Variants in GLRB observed in about 807,000 individuals in gnomAD.
GLRB encodes glycine receptor subunit beta.
GLRB carries 33 observed loss-of-function variants against 54.2 expected under a neutral mutation model. The ratio of observed to expected loss-of-function variants is 0.61; its 90% CI spans 0.46 to 0.81. The LOEUF (loss-of-function observed/expected upper bound fraction) is 0.81. Ranked by LOEUF, GLRB falls within the 40% of genes least tolerant of loss-of-function variation. GLRB has a pLI of 0.00. For synonymous variants in GLRB, 209 were observed against 208.2 expected (o/e 1.00, Z -0.03); for missense variants, 572 against 584.6 (o/e 0.98, Z 0.22).
At chr4:157,101,461 T>C (rs930681128) in intron 2 of GLRB, among the ~76,000 whole-genome samples, 1 of 152,082 alleles carries the variant, frequency 6.6e-6, no homozygotes, top group Non-Finnish European at 1.5e-5. Context: ...ACTTAATCTA[T>C]GACTCAATCT....
At chr4:157,103,034 C>T (rs147829618) in intron 2 of GLRB, among the ~76,000 whole-genome samples, 49 of 151,972 alleles carry the variant, frequency 3.2e-4, no homozygotes, top group Non-Finnish European at 4.3e-4. Context: ...GCCTGTAGTC[C>T]CGGCTACTCA....
intron 8 of GLRB, among the ~76,000 whole-genome samples, chr4:157,148,177 G>A (rs184154653): frequency 4.6e-5 from 7 of 152,062 alleles, no homozygotes; most frequent in Non-Finnish European, 8.8e-5. Context: ...AAAAGTGTTC[G>A]TAGTACTCCC....
chr4:157,101,413 T>G (rs1358242529), intron 2 of GLRB, among the ~76,000 whole-genome samples: 2 of 152,054 alleles, frequency 1.3e-5, no homozygotes, highest in African/African-American at 4.8e-5. Context: ...CATAAGAACA[T>G]TGTTCTCAGT....
chr4:157,138,630 T>C (rs1483393207), intron 6 of GLRB, among the ~76,000 whole-genome samples, 179 bp from the exon 7 acceptor site: 1 of 152,214 alleles, frequency 6.6e-6, no homozygotes, highest in Non-Finnish European at 1.5e-5. Flanking sequence ...TCTTTAACTC[T>C]TGTACTAGTA....
intron 2 of GLRB, among the ~76,000 whole-genome samples, chr4:157,112,218 T>C (rs1735446973): frequency 1.3e-5 from 2 of 151,964 alleles, no homozygotes; most frequent in Admixed American, 1.3e-4. Flanking sequence ...TGGGATGAGG[T>C]ATCAGTAATT....
At chr4:157,118,787 A>G (rs541264614) in intron 2 of GLRB, among the ~76,000 whole-genome samples, 1 of 151,750 alleles carries the variant, frequency 6.6e-6, no homozygotes, top group Non-Finnish European at 1.5e-5. Flanking sequence ...TTCAATACAA[A>G]GCCAAGCCTG....
intron 2 of GLRB, among the ~76,000 whole-genome samples, chr4:157,107,210 C>A (rs146227707): frequency 6.6e-6 from 1 of 152,162 alleles, no homozygotes; most frequent in East Asian, 1.9e-4. Context: ...TGAGATACAA[C>A]AACATTGAAA....
intron 2 of GLRB, among the ~76,000 whole-genome samples, chr4:157,082,638 A>C (rs1311912142): frequency 6.6e-6 from 1 of 152,142 alleles, no homozygotes; most frequent in African/African-American, 2.4e-5. Context: ...AATTAGTGGA[A>C]TACCTTCACC....
At chr4:157,110,945 A>G (rs1735395223) in intron 2 of GLRB, among the ~76,000 whole-genome samples, 1 of 152,018 alleles carries the variant, frequency 6.6e-6, no homozygotes, top group Admixed American at 6.6e-5. Context: ...AGAAGTTGGA[A>G]TGCCAGATCT....
chr4:157,145,059 A>G (rs577505770), intron 8 of GLRB, among the ~76,000 whole-genome samples: 1 of 152,320 alleles, frequency 6.6e-6, no homozygotes, highest in South Asian at 2.1e-4. Flanking sequence ...TCAAAAATAT[A>G]TATTTCTCTC....
intron 9 of GLRB, among the ~76,000 whole-genome samples, chr4:157,169,858 A>G (rs1737851234): frequency 6.6e-6 from 1 of 152,096 alleles, no homozygotes; most frequent in South Asian, 2.1e-4. Flanking sequence ...TCAGCCAACA[A>G]GTTGGGAATG....
At chr4:157,119,424 T>A (rs1735721487) in intron 2 of GLRB, among the ~76,000 whole-genome samples, 1 of 151,578 alleles carries the variant, frequency 6.6e-6, no homozygotes, top group Non-Finnish European at 1.5e-5. Flanking sequence ...TACACATTGT[T>A]CAAAAAATGT....
intron 9 of GLRB, among the ~76,000 whole-genome samples, chr4:157,158,980 ATTTG>A (rs1428022950): frequency 6.6e-6 from 1 of 152,148 alleles, no homozygotes; most frequent in Non-Finnish European, 1.5e-5. Context: ...ATGTTCTTCC[ATTTG>A]TTTGTGTCCT....
At chr4:157,086,933 A>G (rs1734433449) in intron 2 of GLRB, among the ~76,000 whole-genome samples, 1 of 152,062 alleles carries the variant, frequency 6.6e-6, no homozygotes, top group Non-Finnish European at 1.5e-5. Flanking sequence ...TGCATACTTG[A>G]TGTTTTGACA....
intron 2 of GLRB, among the ~76,000 whole-genome samples, chr4:157,079,432 T>A (rs1387912312): frequency 6.6e-6 from 1 of 152,326 alleles, no homozygotes; most frequent in East Asian, 1.9e-4. Context: ...TGTATGAATT[T>A]GTGAGAGTAA....
chr4:157,149,374 A>C (rs1462352504), intron 8 of GLRB, among the ~76,000 whole-genome samples: 1 of 152,116 alleles, frequency 6.6e-6, no homozygotes, highest in Non-Finnish European at 1.5e-5. Flanking sequence ...CTATTTCGCC[A>C]AGTATGGAAG....
At chr4:157,104,422 G>A (rs1173104148) in intron 2 of GLRB, among the ~76,000 whole-genome samples, 1 of 151,946 alleles carries the variant, frequency 6.6e-6, no homozygotes, top group Admixed American at 6.6e-5. Context: ...TGGTCATGGT[G>A]TATGATCCTT....
At chr4:157,157,645 C>G (rs1426481924) in intron 9 of GLRB, among the ~76,000 whole-genome samples, 1 of 152,140 alleles carries the variant, frequency 6.6e-6, no homozygotes, top group African/African-American at 2.4e-5. Context: ...CCAGCTTCAT[C>G]CGTGTCCCTA....
In GLRB at chr4:157,170,464, T is replaced by C. The variant is rs1235842918; in HGVS notation, c.1230T>C (p.Thr410=). Residue 410 remains threonine (T), a synonymous_variant, in exon 10 of 10, where the codon ACT becomes ACC. Transcript: ENST00000264428. The part of the protein sequence containing the change: ...VGETRCKKVC[T]SKSDLRSNDF... ...AGACCAGATGCAAAAAAGTTTGTAC[T>C]TCTAAGTCTGATCTGAGATCTAATG... is the stretch of plus-strand genomic sequence containing the variant. The C allele has an allele frequency of 3.1e-6, 5 of 1,608,568 alleles. No individual in the cohort carries two copies. The highest frequency in any genetic ancestry group is 4.3e-6 in the Non-Finnish European group (5 of 1,175,348).
Sources: gnomAD v4.1 joint callset for allele counts (sites outside exome capture counted in the v4.1 genomes callset) on GRCh38, gnomAD v4.1.1 for gene constraint, MANE v1.5 for transcripts, NCBI Gene and HGNC (gene_info 2026-07-23, HGNC 2026-07-21) for gene names.